The following CCSER1 variants were observed in gnomAD, a reference collection of about 807,000 sequenced individuals.
The protein encoded by CCSER1 is coiled-coil serine rich protein 1, also known as serine-rich coiled-coil domain-containing protein 1.
In CCSER1, 41 loss-of-function variants were observed where a neutral mutation model predicts 82.0. The ratio of observed to expected loss-of-function variants is 0.50; its 90% CI spans 0.39 to 0.65. CCSER1 has a LOEUF of 0.65. Ranked by LOEUF, CCSER1 falls within the 30% of genes least tolerant of loss-of-function variation. CCSER1 has a pLI of 0.00. For missense variants in CCSER1, 1,119 were observed against 1,064.2 expected, an observed-to-expected ratio of 1.05 and a Z score of -0.72; for synonymous variants, 414 against 383.9, an observed-to-expected ratio of 1.08 and a Z score of -0.92.
intron 5 of CCSER1, among the ~76,000 whole-genome samples, chr4:90,493,147 T>C (rs1433140990): frequency 1.3e-5 from 2 of 152,024 alleles, no homozygotes; most frequent in African/African-American, 4.8e-5. Flanking sequence ...TTCCATCAAC[T>C]GGAAGAAAGG....
chr4:90,754,849 G>A (rs755426948), intron 7 of CCSER1, among the ~76,000 whole-genome samples: 7 of 152,094 alleles, frequency 4.6e-5, no homozygotes, highest in Non-Finnish European at 8.8e-5. Flanking sequence ...ATAAAACTTG[G>A]TCTGAAGGTA....
At chr4:90,685,856 C>T (rs754095602) in intron 6 of CCSER1, among the ~76,000 whole-genome samples, 6 of 152,108 alleles carry the variant, frequency 3.9e-5, no homozygotes, top group Admixed American at 6.6e-5. Flanking sequence ...CCTTATTCTG[C>T]AAATCTGACA....
At chr4:90,370,269 A>G (rs991438691) in intron 3 of CCSER1, 3 of 152,078 alleles carry the variant, frequency 2.0e-5, no homozygotes, top group Non-Finnish European at 2.9e-5. Context: ...GAAGATGTCA[A>G]TCTTCCCACA....
At chr4:91,223,872 A>G (rs756630765) in intron 10 of CCSER1, among the ~76,000 whole-genome samples, 1 of 152,140 alleles carries the variant, frequency 6.6e-6, no homozygotes, top group Non-Finnish European at 1.5e-5. Flanking sequence ...GGCTAATTCA[A>G]TCTATCATTT....
At chr4:91,261,547 C>T (rs1190547301) in intron 10 of CCSER1, among the ~76,000 whole-genome samples, 4 of 152,168 alleles carry the variant, frequency 2.6e-5, no homozygotes, top group African/African-American at 9.7e-5. Context: ...ATCTTGTGAA[C>T]TCGAGCAAAC....
At chr4:91,090,875 A>G (rs1723871565) in intron 10 of CCSER1, among the ~76,000 whole-genome samples, 2 of 152,048 alleles carry the variant, frequency 1.3e-5, no homozygotes, top group Admixed American at 1.3e-4. Flanking sequence ...GTCCTTTTCC[A>G]TCAATGCCTG....
At chr4:90,729,918 C>T (rs1744399601) in intron 7 of CCSER1, among the ~76,000 whole-genome samples, 1 of 151,944 alleles carries the variant, frequency 6.6e-6, no homozygotes, top group Non-Finnish European at 1.5e-5. Context: ...AACAAAAGAA[C>T]ATATAGTATC....
intron 10 of CCSER1, among the ~76,000 whole-genome samples, chr4:91,312,082 G>A (rs1306766083): frequency 6.6e-6 from 1 of 151,732 alleles, no homozygotes; most frequent in Non-Finnish European, 1.5e-5. Flanking sequence ...AGGAGCTCTG[G>A]CTTTAAGTAG....
intron 10 of CCSER1, among the ~76,000 whole-genome samples, chr4:91,225,313 GTAATATATATGTA>G (rs1738077086): frequency 2.5e-5 from 3 of 119,860 alleles, no homozygotes; most frequent in African/African-American, 3.6e-5. Context: ...TATTATATAT[GTAATATATATGTA>G]TATATATTAT....
intron 10 of CCSER1, among the ~76,000 whole-genome samples, chr4:91,142,818 A>C (rs1282948007): frequency 6.6e-6 from 1 of 151,818 alleles, no homozygotes; most frequent in Non-Finnish European, 1.5e-5. Context: ...TGCATTCTCT[A>C]TTCTCTTCCA....
Position 90,843,924 on chromosome 4 carries a change from G to A in CCSER1, c.2094+28079G>A, listed in dbSNP as rs982786609. Among the ~76,000 whole-genome samples, 5 of 151,876 alleles carry A rather than the reference G, an allele frequency of 3.3e-5. No individual in the cohort carries two copies. In the East Asian group the frequency reaches 9.6e-4, roughly 29 times the overall value. Reference sequence around the variant, plus strand: ...TTACTTAGTCACTAGAAGCTTAAAGGTAACAATATAAAATGTATATTTTTT... The same window carrying A: ...TTACTTAGTCACTAGAAGCTTAAAGATAACAATATAAAATGTATATTTTTT... On this transcript the variant is annotated intron_variant, in intron 8 of 10. Transcript: ENST00000509176.
At chr4:90,438,600 T>C (rs1256305701) in intron 4 of CCSER1, among the ~76,000 whole-genome samples, 1 of 152,136 alleles carries the variant, frequency 6.6e-6, no homozygotes, top group Non-Finnish European at 1.5e-5. Flanking sequence ...TTAGACAACA[T>C]ACTTGTGAAA....
At chr4:91,207,038 A>G (rs1424500210) in intron 10 of CCSER1, among the ~76,000 whole-genome samples, 4 of 151,894 alleles carry the variant, frequency 2.6e-5, no homozygotes, top group African/African-American at 7.2e-5. Context: ...CTTGAAAGAT[A>G]TAAGATGGAC....
intron 7 of CCSER1, among the ~76,000 whole-genome samples, chr4:90,808,892 T>G (rs1397151908): frequency 6.6e-6 from 1 of 152,186 alleles, no homozygotes; most frequent in Non-Finnish European, 1.5e-5. Context: ...CTACTGGGTA[T>G]CTACCCAAAG....
rs528733678 is a variant in CCSER1, at chr4:90,949,586, C to T, written c.2172+26139C>T. ...GTTTTCATGTGATATATGAGGAAAA[C>T]GAATCATTACAATGCAAGTAAAATA... On this transcript the variant is annotated intron_variant, in intron 9 of 10. Transcript: ENST00000509176. Among the ~76,000 whole-genome samples, 65 of 152,058 alleles carry T rather than the reference C, an allele frequency of 4.3e-4. 1 individual carries two copies. The highest frequency in any genetic ancestry group is 1.5e-3 in the African/African-American group (62 of 41,508).
intron 10 of CCSER1, among the ~76,000 whole-genome samples, chr4:91,424,726 C>T (rs866742114): frequency 5.3e-5 from 8 of 151,528 alleles, no homozygotes; most frequent in Non-Finnish European, 7.4e-5. Flanking sequence ...TTTTAGGAGC[C>T]GATATTATAA....
intron 10 of CCSER1, among the ~76,000 whole-genome samples, chr4:91,152,610 G>T (rs1044015554): frequency 2.0e-5 from 3 of 152,112 alleles, no homozygotes; most frequent in Non-Finnish European, 4.4e-5. Context: ...TTTCTTCCTA[G>T]CATCAATGGT....
intron 4 of CCSER1, among the ~76,000 whole-genome samples, chr4:90,461,420 C>T (rs987052780): frequency 4.6e-5 from 7 of 152,076 alleles, no homozygotes; most frequent in Non-Finnish European, 7.4e-5. Context: ...GTTTAATGAT[C>T]GGTATCAATT....
intron 10 of CCSER1, among the ~76,000 whole-genome samples, chr4:91,539,140 T>A (rs1761457318): frequency 6.6e-6 from 1 of 152,116 alleles, no homozygotes; most frequent in Non-Finnish European, 1.5e-5. Flanking sequence ...CTCTAGCTGT[T>A]AACTCTTTAT....
Sources: gnomAD v4.1 joint callset for allele counts (sites outside exome capture counted in the v4.1 genomes callset) on GRCh38, gnomAD v4.1.1 for gene constraint, MANE v1.5 for transcripts, NCBI Gene and HGNC (gene_info 2026-07-23, HGNC 2026-07-21) for gene names.